The following DMRTA2 variants were observed in gnomAD, a reference collection of about 807,000 sequenced individuals.
DMRTA2 encodes doublesex- and mab-3-related transcription factor A2.
DMRTA2 carries 10 observed loss-of-function variants against 29.7 expected under a neutral mutation model. The observed-to-expected ratio is 0.34, with a 90% CI of 0.21 to 0.57. The LOEUF (loss-of-function observed/expected upper bound fraction) is 0.57. Among genes scored for constraint, DMRTA2 ranks in the 20% least tolerant of loss-of-function variants. The pLI is 0.87. For synonymous variants in DMRTA2, 469 were observed against 402.6 expected, an observed-to-expected ratio of 1.16 and a Z score of -1.97; for missense variants, 783 against 812.1, an observed-to-expected ratio of 0.96 and a Z score of 0.44.
chr1:50,423,321 C>G lies in DMRTA2; in HGVS notation c.-214G>C, dbSNP rs369058487. Reference sequence around the variant, plus strand: ...CCTTCAGAAATCCGGGTCGGAGGCTCGTCTGCGGGCCGCGTGGTTGGAACC... The same window carrying G: ...CCTTCAGAAATCCGGGTCGGAGGCTGGTCTGCGGGCCGCGTGGTTGGAACC... On this transcript the variant is annotated 5_prime_UTR_variant, in exon 1 of 3. Coordinates refer to ENST00000404795, the MANE Select transcript of DMRTA2 (RefSeq NM_032110.3). The G allele has an allele frequency of 6.6e-6, 1 of 152,342 alleles. No individual in the cohort carries two copies. Among genetic ancestry groups the G allele is most frequent in the African/African-American group, 2.4e-5 (1 of 41,582 alleles). 9.4% of individuals were successfully genotyped at this position (152,342 alleles called of 1,614,324 possible). A position where few individuals can be genotyped will look rare whatever the true frequency, so the allele number is the denominator to read the frequency against.
rs1175020369 is a variant in DMRTA2 at position 50,419,921 on chromosome 1, G to C, written c.560-187C>G. On this transcript the variant is annotated intron_variant, in intron 2 of 2. Transcript: ENST00000404795. The surrounding 1 kb of genome is among the most constrained non-coding windows in gnomAD (Gnocchi z 6.1). ...CTGAGCCCCTACAGCCCTGACCCCA[G>C]GGCTCCCTCTCTTTCTGTACTCCTC... Among the ~76,000 whole-genome samples the C allele has an allele frequency of 6.6e-6, 1 of 151,784 alleles. No homozygotes were observed. The highest frequency in any genetic ancestry group is 1.5e-5 in the Non-Finnish European group (1 of 67,934).
In DMRTA2 at chr1:50,418,369, G is replaced by C. The variant is rs772599968; in HGVS notation, c.*296C>G. 1 of 297,132 alleles carries C rather than the reference G, an allele frequency of 3.4e-6. No homozygotes were observed. Among genetic ancestry groups the C allele is most frequent in the Non-Finnish European group, 6.2e-6 (1 of 161,786 alleles). 18.4% of individuals were successfully genotyped at this position (297,132 alleles called of 1,614,324 possible). A position where few individuals can be genotyped will look rare whatever the true frequency, so the allele number is the denominator to read the frequency against. ...GCTGTCGCAGCCTCTGAATTCTCATGAATTCCCAGCCTTTTGGAAAGGGGG... is the reference window on the plus strand; with the variant it reads ...GCTGTCGCAGCCTCTGAATTCTCATCAATTCCCAGCCTTTTGGAAAGGGGG... On this transcript the variant is annotated 3_prime_UTR_variant, in exon 3 of 3. Coordinates refer to ENST00000404795, the MANE Select transcript of DMRTA2 (RefSeq NM_032110.3).
In DMRTA2 at chr1:50,422,307, A is replaced by G. The variant is rs1572735900; in HGVS notation, c.-8-763T>C. ...CTCCAGAGAGTGAGAGACAAAATGT[A>G]TGTGGAATTTAGCTTAGGACTGGGA... On this transcript the variant is annotated intron_variant, in intron 1 of 2. Coordinates refer to ENST00000404795, the MANE Select transcript of DMRTA2 (RefSeq NM_032110.3). The surrounding 1 kb of genome is among the most constrained non-coding windows in gnomAD (Gnocchi z 5.7). 1.3e-5 allele frequency among the ~76,000 whole-genome samples: 2 copies of G among 152,184 alleles called. No individual in the cohort carries two copies. The highest frequency in any genetic ancestry group is 6.5e-5 in the Admixed American group (1 of 15,276).
chr1:50,418,920 G>T lies in DMRTA2; in HGVS notation c.1374C>A (p.Gly458=), dbSNP rs749682864. 1 of 1,438,916 alleles carries T rather than the reference G, an allele frequency of 6.9e-7. No individual in the cohort carries two copies. The highest frequency in any genetic ancestry group is 9.1e-7 in the Non-Finnish European group (1 of 1,102,472). 89.1% of individuals were successfully genotyped at this position (1,438,916 alleles called of 1,614,324 possible). A position where few individuals can be genotyped will look rare whatever the true frequency, so the allele number is the denominator to read the frequency against. ...FGADAGAYPL[G]APLGLSPLRL... ...GCAGGGGGCTGAGGCCGAGCGGCGC[G>T]CCCAGCGGGTAGGCGCCCGCGTCGG... Residue 458 remains glycine, a synonymous_variant, in exon 3 of 3, where the codon GGC becomes GGA. Coordinates refer to ENST00000404795, the MANE Select transcript of DMRTA2 (RefSeq NM_032110.3).
Position 50,418,834 on chromosome 1 carries a change from G to C in DMRTA2, c.1460C>G (p.Ser487Cys). Reference protein sequence around the residue: ...SRGLAFMAPYSTAGLVPTLGF... With the variant: ...SRGLAFMAPYCTAGLVPTLGF... The stretch of plus-strand genomic sequence containing the variant: ...GAGCGTGGGCACCAAGCCGGCAGTG[G>C]AGTAGGGCGCCATGAAGGCCAGACC... Residue 487 changes from serine to cysteine, a missense_variant, in exon 3 of 3, where the codon TCC becomes TGC. Transcript: ENST00000404795. The C allele has an allele frequency of 6.3e-7, 1 of 1,581,500 alleles. No homozygotes were observed. The highest frequency in any genetic ancestry group is 8.6e-7 in the Non-Finnish European group (1 of 1,167,250).
At position 50,419,901 on chromosome 1, in the gene DMRTA2, C is replaced by T. The variant is rs1186709503; in HGVS notation, c.560-167G>A. On this transcript the variant is annotated intron_variant, in intron 2 of 2. Coordinates refer to ENST00000404795, the MANE Select transcript of DMRTA2 (RefSeq NM_032110.3). The surrounding 1 kb of genome is among the most constrained non-coding windows in gnomAD (Gnocchi z 6.1). ...GCTCTAGCATTCCTTCCGCTCTGAGCCCCTACAGCCCTGACCCCAGGGCTC... is the reference window on the plus strand; with the variant it reads ...GCTCTAGCATTCCTTCCGCTCTGAGTCCCTACAGCCCTGACCCCAGGGCTC... 1.3e-5 allele frequency among the ~76,000 whole-genome samples: 2 copies of T among 152,116 alleles called. No individual in the cohort carries two copies. The highest frequency in any genetic ancestry group is 2.4e-5 in the African/African-American group (1 of 41,422).
Position 50,419,846 on chromosome 1 carries a change from C to T in DMRTA2, c.560-112G>A. ...CTCCCTCAGCCCCACAGCCCTTATT[C>T]ACTAGGCTCCAGTGCCCCTCTTTCT... On this transcript the variant is annotated intron_variant, in intron 2 of 2. Transcript: ENST00000404795. This position sits in a 1 kb window ranked among gnomAD's most constrained non-coding sequence, Gnocchi z 6.1. 2 of 896,678 alleles carry T rather than the reference C, an allele frequency of 2.2e-6. No individual in the cohort carries two copies. Among genetic ancestry groups the T allele is most frequent in the Non-Finnish European group, 1.6e-6 (1 of 627,476 alleles). 55.5% of individuals were successfully genotyped at this position (896,678 alleles called of 1,614,324 possible).
rs1646047648 is a variant in DMRTA2, at chr1:50,422,698, TCTTGGGGTCCCAGGGGAC to T, written c.-9+400_-9+417del. Among the ~76,000 whole-genome samples, 1 of 152,100 alleles carries T rather than the reference TCTTGGGGTCCCAGGGGAC, an allele frequency of 6.6e-6. No homozygotes were observed. The highest frequency in any genetic ancestry group is 6.5e-5 in the Admixed American group (1 of 15,288). On this transcript the variant is annotated intron_variant, in intron 1 of 2. Coordinates refer to ENST00000404795, the MANE Select transcript of DMRTA2 (RefSeq NM_032110.3). The surrounding 1 kb of genome is among the most constrained non-coding windows in gnomAD (Gnocchi z 5.7). The stretch of plus-strand genomic sequence containing the variant: ...AGAGTCGTCAGACACGCCCTCCCCG[TCTTGGGGTCCCAGGGGAC>T]CCCTCTCGAGCGCAGGCTCCTGCGT...
In DMRTA2 at chr1:50,419,959, A is replaced by G. The variant is rs549446882; in HGVS notation, c.560-225T>C. ...TTCTGTACTCCTCAGAACCCCAACT[A>G]CCTGTGCCCTGTAAACTCGATGTTC... On this transcript the variant is annotated intron_variant, in intron 2 of 2. Coordinates refer to ENST00000404795, the MANE Select transcript of DMRTA2 (RefSeq NM_032110.3). The surrounding 1 kb of genome is among the most constrained non-coding windows in gnomAD (Gnocchi z 6.1). 6.6e-6 allele frequency among the ~76,000 whole-genome samples: 1 copy of G among 151,516 alleles called. No individual in the cohort carries two copies. The highest frequency in any genetic ancestry group is 2.4e-5 in the African/African-American group (1 of 41,244).
Position 50,419,370 on chromosome 1 carries a change from G to A in DMRTA2, c.924C>T (p.Gly308=). ...EAAPAPGLGG[G]SGPRQRTPLD... ...GCGGCGTCCGCTGCCGTGGACCCGA[G>A]CCTCCGCCCAGCCCTGGCGCCGGCG... is the stretch of plus-strand genomic sequence containing the variant. Residue 308 remains glycine (G), a synonymous_variant, in exon 3 of 3, where the codon GGC becomes GGT. Transcript: ENST00000404795. The surrounding 1 kb of genome is among the most constrained non-coding windows in gnomAD (Gnocchi z 6.1). The A allele has an allele frequency of 6.3e-7, 1 of 1,596,884 alleles. No individual in the cohort carries two copies. Among genetic ancestry groups the A allele is most frequent in the Non-Finnish European group, 8.5e-7 (1 of 1,179,058 alleles).
At position 50,419,280 on chromosome 1, in the gene DMRTA2, G is replaced by A. The variant is rs1488327300; in HGVS notation, c.1014C>T (p.Gly338=). ...TGGCCTGCACCACGTCGCCGCCGCA[G>A]CCCTGCAACACCAGCTCCAGGACGC... The part of the protein sequence containing the change: ...RRGVLELVLQ[G]CGGDVVQAIE... Residue 338 remains glycine (G), a synonymous_variant, in exon 3 of 3, where the codon GGC becomes GGT. Coordinates refer to ENST00000404795, the MANE Select transcript of DMRTA2 (RefSeq NM_032110.3). The surrounding 1 kb of genome is among the most constrained non-coding windows in gnomAD (Gnocchi z 6.1). 2 of 1,592,798 alleles carry A rather than the reference G, an allele frequency of 1.3e-6. No homozygotes were observed. Among genetic ancestry groups the A allele is most frequent in the Non-Finnish European group, 1.7e-6 (2 of 1,177,614 alleles).
Position 50,420,982 on chromosome 1 carries a change from G to C in DMRTA2, c.555C>G (p.Gly185=), listed in dbSNP as rs1646032970. 1 of 1,494,540 alleles carries C rather than the reference G, an allele frequency of 6.7e-7. No individual in the cohort carries two copies. Among genetic ancestry groups the C allele is most frequent in the East Asian group, 2.8e-5 (1 of 36,326 alleles). The allele number at this position is 1,494,540 out of a possible 1,614,324, so 92.6% of individuals were successfully genotyped here. The change falls in exon 2 of 3, where the codon GGC becomes GGG. Residue 185 remains glycine, a synonymous_variant. Coordinates refer to ENST00000404795, the MANE Select transcript of DMRTA2 (RefSeq NM_032110.3). The surrounding 1 kb of genome is among the most constrained non-coding windows in gnomAD (Gnocchi z 4.1). ...GCGGCCTGGCCGCGCTCTCACCTGAGCCCCCTGCGCCAGCTGCTCCGCCTC... is the reference window on the plus strand; with the variant it reads ...GCGGCCTGGCCGCGCTCTCACCTGACCCCCCTGCGCCAGCTGCTCCGCCTC... The part of the protein sequence containing the change: ...GTGGGAAGAG[G]SEAKLQKFDL...
Position 50,420,823 on chromosome 1 carries a change from G to T in DMRTA2, c.559+155C>A, listed in dbSNP as rs896276057. Reference sequence around the variant, plus strand: ...GAGAAAGGAGAGTTTCTGTACCCACGCTCCATACCCGAGGCTGGGCGAGCG... The same window carrying T: ...GAGAAAGGAGAGTTTCTGTACCCACTCTCCATACCCGAGGCTGGGCGAGCG... On this transcript the variant is annotated intron_variant, in intron 2 of 2. Transcript: ENST00000404795. This position sits in a 1 kb window ranked among gnomAD's most constrained non-coding sequence, Gnocchi z 4.1. Among the ~76,000 whole-genome samples, 8 of 152,240 alleles carry T rather than the reference G, an allele frequency of 5.3e-5. No individual in the cohort carries two copies. The East Asian group carries it at 5.8e-4, about 11-fold the overall frequency.
At position 50,418,332 on chromosome 1, in the gene DMRTA2, G is replaced by A. The variant is rs1159582812; in HGVS notation, c.*333C>T. On this transcript the variant is annotated 3_prime_UTR_variant, in exon 3 of 3. Transcript: ENST00000404795. ...GGATGAGCACAGCTAAGGAGCCGCA[G>A]GAGCCTGCGCTGCTGTCGCAGCCTC... The A allele has an allele frequency of 4.3e-6, 1 of 232,570 alleles. No individual in the cohort carries two copies. The highest frequency in any genetic ancestry group is 2.2e-5 in the African/African-American group (1 of 44,618). The allele number at this position is 232,570 out of a possible 1,614,324, so 14.4% of individuals were successfully genotyped here.
rs1403746326 is a variant in DMRTA2 at position 50,417,658 on chromosome 1, G to C, written c.*1007C>G. The C allele has an allele frequency of 6.6e-6, 1 of 152,286 alleles. No individual in the cohort carries two copies. The highest frequency in any genetic ancestry group is 1.5e-5 in the Non-Finnish European group (1 of 68,062). 9.4% of individuals were successfully genotyped at this position (152,286 alleles called of 1,614,324 possible). On this transcript the variant is annotated 3_prime_UTR_variant, in exon 3 of 3. Transcript: ENST00000404795. ...CCGCTGCGGGCCCTTCAGTCAGGGCGTTTGGCGAGTCCCGGGAGGCGAGGA... is the reference window on the plus strand; with the variant it reads ...CCGCTGCGGGCCCTTCAGTCAGGGCCTTTGGCGAGTCCCGGGAGGCGAGGA...
In DMRTA2 at chr1:50,420,979, T is replaced by C; in HGVS notation, c.558A>G (p.Ser186=). 6.7e-7 allele frequency: 1 copy of C among 1,492,894 alleles called. No homozygotes were observed. Among genetic ancestry groups the C allele is most frequent in the Non-Finnish European group, 8.9e-7 (1 of 1,129,166 alleles). The allele number at this position is 1,492,894 out of a possible 1,614,324, so 92.5% of individuals were successfully genotyped here. Residue 186 remains serine (S), a splice_region_variant and synonymous_variant, in exon 2 of 3, where the codon TCA becomes TCG. Coordinates refer to ENST00000404795, the MANE Select transcript of DMRTA2 (RefSeq NM_032110.3). The surrounding 1 kb of genome is among the most constrained non-coding windows in gnomAD (Gnocchi z 4.1). ...TGGGAAGAGG[S]EAKLQKFDLF... The stretch of plus-strand genomic sequence containing the variant: ...CCTGCGGCCTGGCCGCGCTCTCACC[T>C]GAGCCCCCTGCGCCAGCTGCTCCGC...
Position 50,419,103 on chromosome 1 carries a change from G to GGCA in DMRTA2, c.1190_1191insTGC (p.Ala397dup), listed in dbSNP as rs1491112825. 4,095 of 517,766 alleles carry GGCA rather than the reference G, an allele frequency of 7.9e-3. 21 individuals are homozygous for GGCA. The highest frequency in any genetic ancestry group is 9.6e-3 in the Non-Finnish European group (3,711 of 387,724). 32.1% of individuals were successfully genotyped at this position (517,766 alleles called of 1,614,324 possible). On this transcript the variant is annotated inframe_insertion, in exon 3 of 3. Transcript: ENST00000404795. This position sits in a 1 kb window ranked among gnomAD's most constrained non-coding sequence, Gnocchi z 6.1. ...GCGGCGCAGGCAGCCCAGGCCCCCC[G>GGCA]GCGGCGGCGGCGGCGGCGGCGGCGG...
In DMRTA2 at chr1:50,421,009, G is replaced by C. The variant is rs904154088; in HGVS notation, c.528C>G (p.Thr176=). 1.3e-6 allele frequency: 2 copies of C among 1,506,496 alleles called. No homozygotes were observed. Among genetic ancestry groups the C allele is most frequent in the Admixed American group, 2.1e-5 (1 of 48,294 alleles). The allele number at this position is 1,506,496 out of a possible 1,614,324, so 93.3% of individuals were successfully genotyped here. Residue 176 remains threonine (T), a synonymous_variant, in exon 2 of 3, where the codon ACC becomes ACG. Coordinates refer to ENST00000404795, the MANE Select transcript of DMRTA2 (RefSeq NM_032110.3). The surrounding 1 kb of genome is among the most constrained non-coding windows in gnomAD (Gnocchi z 8.7). The part of the protein sequence containing the change: ...GGPGAGAPAG[T]GGGAAGAGGS... ...CCCCTGCGCCAGCTGCTCCGCCTCC[G>C]GTCCCCGCGGGCGCTCCCGCTCCAG...
chr1:50,418,881 G>T lies in DMRTA2; in HGVS notation c.1413C>A (p.Ser471=), dbSNP rs777866123. 19 of 1,509,570 alleles carry T rather than the reference G, an allele frequency of 1.3e-5. No individual in the cohort carries two copies. The highest frequency in any genetic ancestry group is 1.7e-5 in the Non-Finnish European group (19 of 1,134,944). The allele number at this position is 1,509,570 out of a possible 1,614,324, so 93.5% of individuals were successfully genotyped here. ...LGLSPLRLAY[S]AAAAHSRGLA... is the part of the protein sequence containing the mutation. Reference sequence around the variant, plus strand: ...GACCGCGGCTGTGCGCCGCCGCCGCGGAGTAGGCCAGGCGCAGGGGGCTGA... The same window carrying T: ...GACCGCGGCTGTGCGCCGCCGCCGCTGAGTAGGCCAGGCGCAGGGGGCTGA... The change falls in exon 3 of 3, where the codon TCC becomes TCA. Residue 471 remains serine (S), a synonymous_variant. Coordinates refer to ENST00000404795, the MANE Select transcript of DMRTA2 (RefSeq NM_032110.3).
Sources: gnomAD v4.1 joint callset for allele counts (sites outside exome capture counted in the v4.1 genomes callset) on GRCh38, gnomAD v4.1.1 for gene constraint, Gnocchi (gnomAD v3.1) non-coding constraint, MANE v1.5 for transcripts, NCBI Gene and HGNC (gene_info 2026-07-23, HGNC 2026-07-21) for gene names.